LRRC8C: variants seen among roughly 807,000 people sequenced by gnomAD.
LRRC8C encodes volume-regulated anion channel subunit LRRC8C.
LRRC8C carries 20 observed loss-of-function variants against 55.3 expected under a neutral mutation model. The observed-to-expected ratio is 0.36, with a 90% confidence interval of 0.25 to 0.53. The LOEUF is 0.53. Ranked by LOEUF, LRRC8C falls within the 20% of genes least tolerant of loss-of-function variation. LRRC8C has a pLI of 0.92. For missense variants in LRRC8C, 659 were observed against 951.4 expected, an observed-to-expected ratio of 0.69 and a Z score of 4.04; for synonymous variants, 376 against 360.7, an observed-to-expected ratio of 1.04 and a Z score of -0.48.
At chr1:89,633,629 G>A (rs567522840) in intron 1 of LRRC8C, among the ~76,000 whole-genome samples, 1 of 150,634 alleles carries the variant, frequency 6.6e-6, no homozygotes, top group African/African-American at 2.5e-5. Context: ...GACTGGGCGC[G>A]GGGGTGGGGG....
At position 89,637,366 on chromosome 1, in the gene LRRC8C, C is replaced by T. The variant is rs554363323; in HGVS notation, c.-5+4044C>T. ...AGCAAGGAGGATTTCAGACTGCTTT[C>T]GTTGAAAATAAAACTCATCATGGCA... On this transcript the variant is annotated intron_variant, in intron 1 of 2. Coordinates refer to ENST00000370454, the MANE Select transcript of LRRC8C (RefSeq NM_032270.5). 3.3e-5 allele frequency among the ~76,000 whole-genome samples: 5 copies of T among 151,344 alleles called. No individual in the cohort carries two copies. The South Asian group carries it at 8.4e-4, about 25-fold the overall frequency.
Position 89,698,971 on chromosome 1 carries a change from G to T in LRRC8C, c.138+12360G>T, listed in dbSNP as rs113681604. Among the ~76,000 whole-genome samples, 830 of 150,802 alleles carry T rather than the reference G, an allele frequency of 5.5e-3. 10 individuals carry two copies. Among genetic ancestry groups the T allele is most frequent in the African/African-American group, 0.019 (787 of 41,072 alleles). Reference sequence around the variant, plus strand: ...AAGGGAGATTCAGACAAGTCCCGAAGGTGGAAAAAAAAAGAAATTAAAAAA... The same window carrying T: ...AAGGGAGATTCAGACAAGTCCCGAATGTGGAAAAAAAAAGAAATTAAAAAA... On this transcript the variant is annotated intron_variant, in intron 2 of 2. Transcript: ENST00000370454.
chr1:89,673,238 G>T (rs1657469859), intron 1 of LRRC8C, among the ~76,000 whole-genome samples: 1 of 151,928 alleles, frequency 6.6e-6, no homozygotes, highest in Non-Finnish European at 1.5e-5. Context: ...AGCCAGTTTT[G>T]CTCTTTTCAA....
At position 89,659,059 on chromosome 1, in the gene LRRC8C, TTTTGTGTG is replaced by T. The variant is rs1483605785; in HGVS notation, c.-5+25739_-5+25746del. 1.2e-3 allele frequency among the ~76,000 whole-genome samples: 71 copies of T among 59,256 alleles called. 2 individuals are homozygous for T. Among genetic ancestry groups the T allele is most frequent in the African/African-American group, 2.6e-3 (42 of 16,212 alleles). 38.9% of individuals were successfully genotyped at this position (59,256 alleles called of 152,430 possible). A position where few individuals can be genotyped will look rare whatever the true frequency, so the allele number is the denominator to read the frequency against. On this transcript the variant is annotated intron_variant, in intron 1 of 2. Transcript: ENST00000370454. The stretch of plus-strand genomic sequence containing the variant: ...TGTGTCTTCTCCAGGTTTTTTTTTT[TTTTGTGTG>T]TGTGTGTGTGTGTGTGTGTGTGTGT...
chr1:89,682,655 A>C (rs1427700132), intron 1 of LRRC8C, among the ~76,000 whole-genome samples: 1 of 152,240 alleles, frequency 6.6e-6, no homozygotes, highest in Admixed American at 6.5e-5. Context: ...ACTGTGCTGA[A>C]GGGATTGTGT....
chr1:89,707,796 A>C lies in LRRC8C; in HGVS notation c.139-4913A>C, dbSNP rs568558394. Among the ~76,000 whole-genome samples, 18 of 152,016 alleles carry C rather than the reference A, an allele frequency of 1.2e-4. No individual in the cohort carries two copies. In the East Asian group the frequency reaches 3.3e-3, roughly 28 times the overall value. On this transcript the variant is annotated intron_variant, in intron 2 of 2. Coordinates refer to ENST00000370454, the MANE Select transcript of LRRC8C (RefSeq NM_032270.5). Reference sequence around the variant, plus strand: ...TGACCTAATTTTCTTCTTCCCTTCTAACCTGTCCGTGCTCTCCTGATTCAC... The same window carrying C: ...TGACCTAATTTTCTTCTTCCCTTCTCACCTGTCCGTGCTCTCCTGATTCAC...
chr1:89,677,006 T>C (rs1452342814), intron 1 of LRRC8C, among the ~76,000 whole-genome samples: 2 of 152,218 alleles, frequency 1.3e-5, no homozygotes, highest in African/African-American at 4.8e-5. Context: ...GGCCTGTGGC[T>C]ACAATAATAT....
At chr1:89,638,458 T>C (rs1241054756) in intron 1 of LRRC8C, among the ~76,000 whole-genome samples, 1 of 133,196 alleles carries the variant, frequency 7.5e-6, no homozygotes, top group Non-Finnish European at 1.6e-5. Flanking sequence ...CCTCAATCAA[T>C]TTTTCCTAGG....
chr1:89,656,983 A>G (rs2101205600), intron 1 of LRRC8C, among the ~76,000 whole-genome samples: 1 of 152,372 alleles, frequency 6.6e-6, no homozygotes, highest in South Asian at 2.1e-4. Context: ...TAACCTGCCC[A>G]AAGTCACTAG....
In LRRC8C at chr1:89,715,700, A is replaced by T. The variant is rs1161981551; in HGVS notation, c.*718A>T. The T allele has an allele frequency of 6.6e-6, 1 of 152,190 alleles. No homozygotes were observed. Among genetic ancestry groups the T allele is most frequent in the Non-Finnish European group, 1.5e-5 (1 of 68,032 alleles). 9.4% of individuals were successfully genotyped at this position (152,190 alleles called of 1,614,324 possible). ...AAACCTAAATACAGAGGCTCCTCCC[A>T]CCTTAATCTCAATACTGCTATGTAG... On this transcript the variant is annotated 3_prime_UTR_variant, in exon 3 of 3. Transcript: ENST00000370454.
intron 1 of LRRC8C, among the ~76,000 whole-genome samples, chr1:89,666,458 A>G (rs1337677687): frequency 4.6e-5 from 7 of 152,182 alleles, no homozygotes; most frequent in African/African-American, 1.4e-4. Flanking sequence ...AATGAGGCCC[A>G]GGACAGTTCT....
At position 89,709,759 on chromosome 1, in the gene LRRC8C, T is replaced by G. The variant is rs371077970; in HGVS notation, c.139-2950T>G. Among the ~76,000 whole-genome samples, 598 of 150,992 alleles carry G rather than the reference T, an allele frequency of 4.0e-3. 4 individuals carry two copies. Among genetic ancestry groups the G allele is most frequent in the South Asian group, 0.011 (51 of 4,812 alleles). On this transcript the variant is annotated intron_variant, in intron 2 of 2. Coordinates refer to ENST00000370454, the MANE Select transcript of LRRC8C (RefSeq NM_032270.5). ...GTGTGTGGTTTTTTTTTGTTTGTTT[T>G]TTTTTTGTTTGAGACGGAGTCTCGC...
In LRRC8C at chr1:89,684,951, CTG is replaced by C. The variant is rs373808515; in HGVS notation, c.-4-1515_-4-1514del. On this transcript the variant is annotated intron_variant, in intron 1 of 2. Transcript: ENST00000370454. ...CGCCAGGCCGTTGAAATTTTCAACA[CTG>C]TGTTAACAGATTCAAAAAGAAGACA... 6.3e-4 allele frequency among the ~76,000 whole-genome samples: 96 copies of C among 152,202 alleles called. No homozygotes were observed. The East Asian group carries it at 0.013, about 20-fold the overall frequency.
At chr1:89,657,085 G>A (rs1221647819) in intron 1 of LRRC8C, among the ~76,000 whole-genome samples, 1 of 152,126 alleles carries the variant, frequency 6.6e-6, no homozygotes, top group African/African-American at 2.4e-5. Flanking sequence ...AAAATGGTGA[G>A]TAGAGATGGC....
chr1:89,709,186 A>G (rs1313255376), intron 2 of LRRC8C, among the ~76,000 whole-genome samples: 4 of 152,224 alleles, frequency 2.6e-5, no homozygotes, highest in Non-Finnish European at 5.9e-5. Flanking sequence ...AGGTGAAATG[A>G]GAAGAATGTG....
At chr1:89,636,606 G>A (rs1457037093) in intron 1 of LRRC8C, among the ~76,000 whole-genome samples, 1 of 151,562 alleles carries the variant, frequency 6.6e-6, no homozygotes, top group Non-Finnish European at 1.5e-5. Flanking sequence ...GACAATGCCA[G>A]TCTCTCCCCA....
At chr1:89,659,087 G>T (rs1406646130) in intron 1 of LRRC8C, among the ~76,000 whole-genome samples, 3 of 142,876 alleles carry the variant, frequency 2.1e-5, no homozygotes, top group Non-Finnish European at 3.0e-5. Flanking sequence ...GTGTGTGTGT[G>T]TGTGTGTGTG....
rs539128156 is a variant in LRRC8C, at chr1:89,705,852, ATAACT to A, written c.139-6853_139-6849del. Among the ~76,000 whole-genome samples, 177 of 152,220 alleles carry A rather than the reference ATAACT, an allele frequency of 1.2e-3. 2 individuals carry two copies. Among genetic ancestry groups the A allele is most frequent in the Admixed American group, 2.6e-3 (40 of 15,296 alleles). On this transcript the variant is annotated intron_variant, in intron 2 of 2. Transcript: ENST00000370454. ...AAAAAAATAAAATACATAGACAGAC[ATAACT>A]TAATAATGCACAAAATCTATGTGAG... is the stretch of plus-strand genomic sequence containing the variant.
chr1:89,671,106 G>T (rs549088290), intron 1 of LRRC8C, among the ~76,000 whole-genome samples: 1 of 152,124 alleles, frequency 6.6e-6, no homozygotes, highest in South Asian at 2.1e-4. Context: ...AGGCTGGAGT[G>T]CAGTGGCTAT....
Sources: gnomAD v4.1 joint callset for allele counts (sites outside exome capture counted in the v4.1 genomes callset) on GRCh38, gnomAD v4.1.1 for gene constraint, MANE v1.5 for transcripts, NCBI Gene and HGNC (gene_info 2026-07-23, HGNC 2026-07-21) for gene names.